The following PIK3C2B variants were observed in gnomAD, a reference collection of about 807,000 sequenced individuals.
PIK3C2B encodes the protein phosphatidylinositol 4-phosphate 3-kinase C2 domain-containing subunit beta.
PIK3C2B carries 83 observed loss-of-function variants against 184.3 expected under a neutral mutation model. The ratio of observed to expected loss-of-function variants is 0.45; its 90% CI spans 0.38 to 0.54. The LOEUF (loss-of-function observed/expected upper bound fraction) is 0.54, where lower values mean the gene tolerates loss of function less well. Among genes scored for constraint, PIK3C2B ranks in the 20% least tolerant of loss-of-function variants. The pLI is 0.00. For missense variants in PIK3C2B, 1,736 were observed against 2,113.5 expected, an observed-to-expected ratio of 0.82 and a Z score of 3.50; for synonymous variants, 779 against 837.6, an observed-to-expected ratio of 0.93 and a Z score of 1.21.
rs758012193 is a variant in PIK3C2B at position 204,464,571 on chromosome 1, G to A, written c.1068C>T (p.Phe356=). 4.3e-6 allele frequency: 7 copies of A among 1,614,048 alleles called. No homozygotes were observed. In the African/African-American group the frequency reaches 8.0e-5, roughly 18 times the overall value. The change falls in exon 4 of 33, where the codon TTC becomes TTT. Residue 356 remains phenylalanine, a synonymous_variant. Transcript: ENST00000684373. ...LRSGSDIQDY[F]LTGYVWSAVT... is the part of the protein sequence containing the mutation. ...CAGCACTCCAGACATAGCCAGTGAGGAAGTAGTCTTGGATGTCAGAGCCAG... is the reference window on the plus strand; with the variant it reads ...CAGCACTCCAGACATAGCCAGTGAGAAAGTAGTCTTGGATGTCAGAGCCAG...
Position 204,427,648 on chromosome 1 carries a change from C to G in PIK3C2B, c.4587G>C (p.Leu1529Phe), listed in dbSNP as rs1192461600. ...LFIMVMHIRGLQLLQDGNDPD... is the reference protein window; with the variant it reads ...LFIMVMHIRGFQLLQDGNDPD... Reference sequence around the variant, plus strand: ...AAATCACGGCTGTGCAGGCACTTACCAAGCCCCGAATATGCATCACCATGA... The same window carrying G: ...AAATCACGGCTGTGCAGGCACTTACGAAGCCCCGAATATGCATCACCATGA... The change falls in exon 31 of 33, where the codon TTG (leucine) becomes TTC (phenylalanine). Residue 1529 changes from leucine (L) to phenylalanine (F), a missense_variant and splice_region_variant. Physicochemically the swap from Leu to Phe is conservative, Grantham distance 22. Coordinates refer to ENST00000684373, the MANE Select transcript of PIK3C2B (RefSeq NM_001377334.1). 6.2e-7 allele frequency: 1 copy of G among 1,603,788 alleles called. No homozygotes were observed. Among genetic ancestry groups the G allele is most frequent in the Non-Finnish European group, 8.5e-7 (1 of 1,170,772 alleles).
At chr1:204,457,212 G>T (rs933373463) in intron 9 of PIK3C2B, 142 bp from the exon 10 acceptor site, 3 of 687,568 alleles carry the variant, frequency 4.4e-6, no homozygotes, top group Non-Finnish European at 5.1e-6. Context: ...AGAGAGGAGA[G>T]AGTAATGGTT....
intron 1 of PIK3C2B, among the ~76,000 whole-genome samples, chr1:204,474,109 A>G (rs1305340734): frequency 6.7e-6 from 1 of 149,092 alleles, no homozygotes; most frequent in African/African-American, 2.5e-5. Context: ...CTCCTGCCTC[A>G]GCCTCCCGAG....
rs539476362 is a variant in PIK3C2B at position 204,470,053 on chromosome 1, T to C, written c.-84-167A>G. Among the ~76,000 whole-genome samples the C allele has an allele frequency of 7.2e-5, 11 of 152,176 alleles. No homozygotes were observed. In the South Asian group the frequency reaches 2.3e-3, roughly 32 times the overall value. ...AGGAAAAAAGGGATACCAAGACAAC[T>C]TTACCTATTTATTATATCCAACTAT... On this transcript the variant is annotated intron_variant, in intron 1 of 32. Coordinates refer to ENST00000684373, the MANE Select transcript of PIK3C2B (RefSeq NM_001377334.1).
Position 204,460,609 on chromosome 1 carries a change from T to G in PIK3C2B, c.1363A>C (p.Ile455Leu). The G allele has an allele frequency of 1.2e-6, 2 of 1,614,102 alleles. No individual in the cohort carries two copies. The highest frequency in any genetic ancestry group is 1.7e-6 in the Non-Finnish European group (2 of 1,180,014). ...EYIQYCRKFDIDIRLQLMEQK... is the reference protein window; with the variant it reads ...EYIQYCRKFDLDIRLQLMEQK... ...TCCATCAGCTGTAGCCGAATGTCAA[T>G]GTCAAACTTGCGGCAGTATTGGATG... Residue 455 changes from isoleucine to leucine, a missense_variant, in exon 6 of 33, where the codon ATT (isoleucine) becomes CTT (leucine). Coordinates refer to ENST00000684373, the MANE Select transcript of PIK3C2B (RefSeq NM_001377334.1).
intron 23 of PIK3C2B, 27 bp from the exon 24 acceptor site, chr1:204,434,635 G>T (rs1675245411): frequency 6.3e-7 from 1 of 1,592,450 alleles, no homozygotes; most frequent in African/African-American, 1.3e-5. Flanking sequence ...CAGATGGGAG[G>T]AGAGGACATA....
intron 1 of PIK3C2B, among the ~76,000 whole-genome samples, chr1:204,473,392 C>T (rs1474405510): frequency 6.6e-6 from 1 of 152,212 alleles, no homozygotes; most frequent in Non-Finnish European, 1.5e-5. Flanking sequence ...TTACAGATCA[C>T]TTTTTATCCA....
chr1:204,456,725 C>T (rs1215866773), intron 10 of PIK3C2B, among the ~76,000 whole-genome samples: 1 of 152,066 alleles, frequency 6.6e-6, no homozygotes, highest in Admixed American at 6.6e-5. Context: ...GATCACAGGG[C>T]TAGTGCTGCC....
chr1:204,466,256 A>T (rs1276279547), intron 2 of PIK3C2B, among the ~76,000 whole-genome samples: 1 of 152,146 alleles, frequency 6.6e-6, no homozygotes, highest in Non-Finnish European at 1.5e-5. Context: ...TCAGATGGAG[A>T]TAAGGCCGGC....
rs1261045315 is a variant in PIK3C2B at position 204,466,307 on chromosome 1, G to A, written c.934-988C>T. Among the ~76,000 whole-genome samples the A allele has an allele frequency of 3.3e-5, 5 of 152,172 alleles. 1 individual carries two copies. Among genetic ancestry groups the A allele is most frequent in the Non-Finnish European group, 5.9e-5 (4 of 68,034 alleles). ...CTGTTTCTGGCGGGAGTCTAGCTCC[G>A]GCCTGTGCACATAGCAACGCCTCAC... On this transcript the variant is annotated intron_variant, in intron 2 of 32. Transcript: ENST00000684373.
At chr1:204,470,312 C>T (rs112426592) in intron 1 of PIK3C2B, among the ~76,000 whole-genome samples, 10 of 152,164 alleles carry the variant, frequency 6.6e-5, no homozygotes, top group South Asian at 2.1e-4. Context: ...GGATTACAGG[C>T]GCCCACCACT....
In PIK3C2B at chr1:204,456,038, T is replaced by C; in HGVS notation, c.1761A>G (p.Glu587=). Residue 587 remains glutamate (E), a synonymous_variant, in exon 11 of 33, where the codon GAA becomes GAG. Coordinates refer to ENST00000684373, the MANE Select transcript of PIK3C2B (RefSeq NM_001377334.1). The part of the protein sequence containing the change: ...AVRENREKVV[E]ALTAAILDLV... ...GGTCCAAGATGGCAGCGGTCAGGGC[T>C]TCCACGACCTTCTCTGGGAAGGGAA... The C allele has an allele frequency of 6.2e-7, 1 of 1,612,866 alleles. No homozygotes were observed. Among genetic ancestry groups the C allele is most frequent in the Non-Finnish European group, 8.5e-7 (1 of 1,179,058 alleles).
At chr1:204,478,591 G>A (rs966186624) in intron 1 of PIK3C2B, among the ~76,000 whole-genome samples, 3 of 152,188 alleles carry the variant, frequency 2.0e-5, no homozygotes, top group Non-Finnish European at 4.4e-5. Flanking sequence ...CCCTCTGGGT[G>A]CCTCTCATCT....
At chr1:204,454,398 C>T (rs983211767) in intron 12 of PIK3C2B, among the ~76,000 whole-genome samples, 1 of 150,064 alleles carries the variant, frequency 6.7e-6, no homozygotes, top group Non-Finnish European at 1.5e-5. Flanking sequence ...AGAAGAATGG[C>T]GTGAACCCAG....
At chr1:204,427,796 C>T in intron 30 of PIK3C2B, 42 bp from the exon 31 acceptor site, 5 of 1,433,808 alleles carry the variant, frequency 3.5e-6, no homozygotes, top group Non-Finnish European at 4.9e-6. Flanking sequence ...AGAGGCCAGG[C>T]AGGTGTTTCT....
chr1:204,431,650 T>G lies in PIK3C2B; in HGVS notation c.4280+19A>C. On this transcript the variant is annotated intron_variant, in intron 28 of 32. Transcript: ENST00000684373. ...CCTCCCCGACATCCCTCTGTGCAGA[T>G]AGTAAAGGGGGCAGCTACCTGGGCA... is the stretch of plus-strand genomic sequence containing the variant. 1 of 1,613,548 alleles carries G rather than the reference T, an allele frequency of 6.2e-7. No homozygotes were observed. The highest frequency in any genetic ancestry group is 8.5e-7 in the Non-Finnish European group (1 of 1,179,916).
intron 26 of PIK3C2B, 131 bp from the exon 27 acceptor site, chr1:204,432,532 CA>C: frequency 1.4e-6 from 1 of 696,252 alleles, no homozygotes; most frequent in Admixed American, 2.3e-5. Context: ...TTTCCTGTGT[CA>C]TATCCTCATA....
Position 204,469,123 on chromosome 1 carries a change from T to A in PIK3C2B, c.680A>T (p.Asp227Val), listed in dbSNP as rs1352355299. The A allele has an allele frequency of 6.2e-7, 1 of 1,614,196 alleles. No individual in the cohort carries two copies. Among genetic ancestry groups the A allele is most frequent in the Non-Finnish European group, 8.5e-7 (1 of 1,180,018 alleles). Residue 227 changes from aspartate (D) to valine (V), a missense_variant, in exon 2 of 33, where the codon GAC becomes GTC. Transcript: ENST00000684373. ...GGQGRLLGSVDYDGINDAITR... is the reference protein window; with the variant it reads ...GGQGRLLGSVVYDGINDAITR... ...AATTGCATCATTGATACCATCATAG[T>A]CCACAGACCCCAGTAGGCGCCCCTG... is the stretch of plus-strand genomic sequence containing the variant.
intron 31 of PIK3C2B, among the ~76,000 whole-genome samples, chr1:204,427,150 A>C (rs1674790043): frequency 3.3e-5 from 5 of 151,840 alleles, no homozygotes; most frequent in Non-Finnish European, 7.4e-5. Context: ...AAAAAAAAAA[A>C]GTTCCCTTCC....
Sources: allele counts gnomAD v4.1 joint callset (sites outside exome capture counted in the v4.1 genomes callset), GRCh38; gene constraint gnomAD v4.1.1; transcripts MANE v1.5; gene names NCBI Gene and HGNC (gene_info 2026-07-23, HGNC 2026-07-21).